PTPRN2: variants seen among roughly 807,000 people sequenced by gnomAD.
The protein encoded by PTPRN2 is protein tyrosine phosphatase receptor type N2, also known as receptor-type tyrosine-protein phosphatase N2.
Under a neutral mutation model 118.8 loss-of-function variants are expected in PTPRN2, and 74 were observed. The ratio of observed to expected loss-of-function variants is 0.62; its 90% CI spans 0.52 to 0.76. The LOEUF is 0.76. Among genes scored for constraint, PTPRN2 ranks in the 30% least tolerant of loss-of-function variants. The pLI is 0.00. For missense variants in PTPRN2, 1,481 were observed against 1,394.4 expected (o/e 1.06, Z -0.99); for synonymous variants, 641 against 608.0 (o/e 1.05, Z -0.80).
At chr7:158,531,851 C>T (rs1311783893) in intron 1 of PTPRN2, among the ~76,000 whole-genome samples, 2 of 152,162 alleles carry the variant, frequency 1.3e-5, no homozygotes, top group African/African-American at 4.8e-5. Flanking sequence ...CTCCCAGCCA[C>T]GCTGGCTCCA....
At chr7:157,670,846 T>C (rs1322667540) in intron 13 of PTPRN2, among the ~76,000 whole-genome samples, 1 of 152,184 alleles carries the variant, frequency 6.6e-6, no homozygotes, top group African/African-American at 2.4e-5. Flanking sequence ...AGCCAGTCAG[T>C]AAGAAACAAG....
intron 12 of PTPRN2, among the ~76,000 whole-genome samples, chr7:157,791,572 G>T (rs1228507553): frequency 1.2e-5 from 1 of 81,536 alleles, no homozygotes; most frequent in African/African-American, 4.5e-5. Flanking sequence ...CCCTGCACCC[G>T]CCCCCCCTCC....
chr7:157,557,140 CATAT>C (rs1468966452), intron 21 of PTPRN2, among the ~76,000 whole-genome samples: 6 of 150,904 alleles, frequency 4.0e-5, no homozygotes, highest in Non-Finnish European at 3.0e-5. Flanking sequence ...CACCCACACT[CATAT>C]ATACTCACAT....
intron 12 of PTPRN2, among the ~76,000 whole-genome samples, chr7:157,733,340 G>A (rs1256558476): frequency 3.9e-5 from 2 of 51,364 alleles, no homozygotes; most frequent in East Asian, 4.3e-4. Context: ...ACTCTTTTCC[G>A]TCCCATGCGC....
rs1190544656 is a variant in PTPRN2 at position 158,555,981 on chromosome 7, C to T, written c.112+31577G>A. On this transcript the variant is annotated intron_variant, in intron 1 of 22. Coordinates refer to ENST00000389418, the MANE Select transcript of PTPRN2 (RefSeq NM_002847.5). The surrounding 1 kb of genome is among the most constrained non-coding windows in gnomAD (Gnocchi z 4.7). ...CTTTCTCCTACAAAATCAAAACAGCCTTGGAATGTCCTTCTTTACTAGATC... is the reference window on the plus strand; with the variant it reads ...CTTTCTCCTACAAAATCAAAACAGCTTTGGAATGTCCTTCTTTACTAGATC... Among the ~76,000 whole-genome samples, 1 of 152,114 alleles carries T rather than the reference C, an allele frequency of 6.6e-6. No homozygotes were observed. The highest frequency in any genetic ancestry group is 1.5e-5 in the Non-Finnish European group (1 of 68,040).
intron 1 of PTPRN2, among the ~76,000 whole-genome samples, chr7:158,516,825 G>T (rs926227011): frequency 2.6e-5 from 4 of 151,286 alleles, no homozygotes; most frequent in Non-Finnish European, 4.4e-5. Flanking sequence ...CTTGCCTATT[G>T]TTCTTGGTGC....
chr7:157,756,358 G>C (rs772242093), intron 12 of PTPRN2, among the ~76,000 whole-genome samples: 2 of 151,424 alleles, frequency 1.3e-5, no homozygotes, highest in Non-Finnish European at 1.5e-5. Flanking sequence ...GCAGTGGCGC[G>C]ATCTCGGCTC....
intron 3 of PTPRN2, among the ~76,000 whole-genome samples, chr7:158,270,197 T>A (rs544040196): frequency 6.6e-6 from 1 of 152,316 alleles, no homozygotes; most frequent in African/African-American, 2.4e-5. Context: ...CAGCAGTGAC[T>A]CAGGGCCTGG....
intron 2 of PTPRN2, among the ~76,000 whole-genome samples, chr7:158,412,631 A>G (rs1472959898): frequency 2.4e-5 from 2 of 83,186 alleles, no homozygotes; most frequent in Non-Finnish European, 4.7e-5. Flanking sequence ...ACCAGGGCCC[A>G]CCTCAGCACC....
At chr7:158,258,261 G>T (rs62479643) in intron 3 of PTPRN2, among the ~76,000 whole-genome samples, 1 of 152,164 alleles carries the variant, frequency 6.6e-6, no homozygotes, top group Non-Finnish European at 1.5e-5. Flanking sequence ...AACACAGGCC[G>T]TCCTGAATCA....
intron 12 of PTPRN2, among the ~76,000 whole-genome samples, chr7:157,691,347 G>T (rs980220419): frequency 8.0e-5 from 12 of 150,362 alleles, no homozygotes; most frequent in African/African-American, 2.7e-4. Flanking sequence ...GGTGGGTGGG[G>T]TGCGTCGCCA....
intron 15 of PTPRN2, among the ~76,000 whole-genome samples, chr7:157,614,677 G>A (rs755854117): frequency 9.2e-5 from 14 of 152,158 alleles, no homozygotes; most frequent in Non-Finnish European, 2.1e-4. Flanking sequence ...TGCGGAGTGT[G>A]GCCATGTTTG....
chr7:157,679,468 C>A (rs890708817), intron 13 of PTPRN2, among the ~76,000 whole-genome samples: 1 of 152,140 alleles, frequency 6.6e-6, no homozygotes, highest in African/African-American at 2.4e-5. Context: ...ATAGGTAAGG[C>A]AAACAAAAAT....
chr7:157,541,479 C>T (rs920083637), intron 22 of PTPRN2, among the ~76,000 whole-genome samples: 1 of 152,274 alleles, frequency 6.6e-6, no homozygotes, highest in African/African-American at 2.4e-5. Context: ...GATGCCAGGA[C>T]TATTCGCTCC....
At chr7:157,865,535 CTG>C (rs1482719510) in intron 12 of PTPRN2, 1 of 152,266 alleles carries the variant, frequency 6.6e-6, no homozygotes, top group African/African-American at 2.4e-5. Context: ...GCTGGTCTGA[CTG>C]TGCCGAGCCT....
chr7:158,007,487 C>T (rs1004482132), intron 11 of PTPRN2, among the ~76,000 whole-genome samples: 49 of 152,246 alleles, frequency 3.2e-4, no homozygotes, highest in African/African-American at 1.1e-3. Flanking sequence ...GGGACCCAGA[C>T]GCAGGGACTA....
chr7:158,258,274 C>T (rs533545896), intron 3 of PTPRN2, among the ~76,000 whole-genome samples: 9 of 152,288 alleles, frequency 5.9e-5, no homozygotes, highest in East Asian at 5.8e-4. Flanking sequence ...CTGAATCAGC[C>T]GCTGACGCCT....
chr7:158,370,130 G>T (rs750256973), intron 2 of PTPRN2, among the ~76,000 whole-genome samples: 29 of 152,188 alleles, frequency 1.9e-4, no homozygotes, highest in Non-Finnish European at 1.5e-4. Flanking sequence ...TTGGCATAAG[G>T]ACAACTGCCT....
At chr7:158,461,359 G>C (rs183022556) in intron 2 of PTPRN2, among the ~76,000 whole-genome samples, 1 of 152,110 alleles carries the variant, frequency 6.6e-6, no homozygotes, top group African/African-American at 2.4e-5. Flanking sequence ...AACCGGGCGT[G>C]GTGGCAGGCG....
Sources: gnomAD v4.1 joint callset for allele counts (sites outside exome capture counted in the v4.1 genomes callset) on GRCh38, gnomAD v4.1.1 for gene constraint, Gnocchi (gnomAD v3.1) non-coding constraint, MANE v1.5 for transcripts, NCBI Gene and HGNC (gene_info 2026-07-23, HGNC 2026-07-21) for gene names.